Variants in CSMD3 observed in about 807,000 individuals in gnomAD.
CSMD3 encodes CUB and Sushi multiple domains 3, also known as CUB and sushi domain-containing protein 3.
Under a neutral mutation model 435.2 loss-of-function variants are expected in CSMD3, and 177 were observed. That is an observed-to-expected ratio of 0.41 (90% CI 0.36 to 0.46). The LOEUF is 0.46. Among genes scored for constraint, CSMD3 ranks in the 20% least tolerant of loss-of-function variants. The probability of loss-of-function intolerance (pLI) is 0.34; values close to 1 mark genes in which losing one functional copy is unlikely to be tolerated. For synonymous variants in CSMD3, 1,656 were observed against 1,520.5 expected, an observed-to-expected ratio of 1.09 and a Z score of -2.07; for missense variants, 4,265 against 4,504.6, an observed-to-expected ratio of 0.95 and a Z score of 1.52.
chr8:112,933,022 A>G (rs2083164426), intron 9 of CSMD3, among the ~76,000 whole-genome samples: 1 of 152,188 alleles, frequency 6.6e-6, no homozygotes, highest in East Asian at 1.9e-4. Context: ...AAACAAAAAT[A>G]AGAAATAGTG....
intron 45 of CSMD3, among the ~76,000 whole-genome samples, chr8:112,321,974 T>C (rs1823035548): frequency 6.6e-6 from 1 of 152,074 alleles, no homozygotes; most frequent in South Asian, 2.1e-4. Context: ...AAGGTAATTG[T>C]AAGAAATGCC....
chr8:112,859,435 C>A (rs190089702), intron 10 of CSMD3, among the ~76,000 whole-genome samples, 169 bp from the exon 11 acceptor site: 1 of 151,642 alleles, frequency 6.6e-6, no homozygotes, highest in South Asian at 2.1e-4. Flanking sequence ...GTTTTTAACA[C>A]CCTGGGATTC....
At chr8:112,388,360 G>T (rs570483392) in intron 36 of CSMD3, among the ~76,000 whole-genome samples, 1 of 152,306 alleles carries the variant, frequency 6.6e-6, no homozygotes, top group African/African-American at 2.4e-5. Flanking sequence ...TAGACTGCAG[G>T]AGAATAAGAA....
chr8:112,797,932 G>A (rs2078866791), intron 13 of CSMD3, among the ~76,000 whole-genome samples: 1 of 151,702 alleles, frequency 6.6e-6, no homozygotes. Flanking sequence ...ATTTATATAG[G>A]TTCATTTATT....
At chr8:113,234,392 C>T (rs549394536) in intron 3 of CSMD3, among the ~76,000 whole-genome samples, 8 of 152,146 alleles carry the variant, frequency 5.3e-5, no homozygotes, top group Non-Finnish European at 1.0e-4. Context: ...CAACCCATGC[C>T]CTTTAGAAGC....
chr8:113,397,824 A>G (rs1238710700), intron 1 of CSMD3, among the ~76,000 whole-genome samples: 1 of 14,942 alleles, frequency 6.7e-5, no homozygotes, highest in Non-Finnish European at 1.2e-4. Flanking sequence ...CGTCTCAAAA[A>G]TAAATAAATA....
chr8:112,853,195 T>A (rs2129757195), intron 11 of CSMD3, among the ~76,000 whole-genome samples: 1 of 152,236 alleles, frequency 6.6e-6, no homozygotes, highest in East Asian at 1.9e-4. Context: ...TCATTAGCTT[T>A]TGCCAGTTGT....
intron 1 of CSMD3, among the ~76,000 whole-genome samples, chr8:113,335,671 T>C (rs1437798509): frequency 1.3e-5 from 2 of 151,512 alleles, no homozygotes; most frequent in Non-Finnish European, 2.9e-5. Flanking sequence ...CTGTTGGATA[T>C]TACAATGTTG....
chr8:113,250,151 A>C (rs894677608), intron 3 of CSMD3, among the ~76,000 whole-genome samples: 1 of 152,156 alleles, frequency 6.6e-6, no homozygotes, highest in African/African-American at 2.4e-5. Context: ...AGAGAATTGT[A>C]ATTATAGGAT....
At chr8:112,622,400 T>A (rs1834144693) in intron 22 of CSMD3, among the ~76,000 whole-genome samples, 1 of 152,164 alleles carries the variant, frequency 6.6e-6, no homozygotes, top group Non-Finnish European at 1.5e-5. Context: ...CTGAAAGATG[T>A]TGTAAGATGT....
chr8:112,689,456 T>TA (rs1265142183), intron 14 of CSMD3, among the ~76,000 whole-genome samples: 5 of 151,966 alleles, frequency 3.3e-5, no homozygotes, highest in Non-Finnish European at 7.4e-5. Flanking sequence ...CAAGCAAAAA[T>TA]AAGTTAGTGC....
At chr8:112,297,138 G>T (rs1295586616) in intron 53 of CSMD3, among the ~76,000 whole-genome samples, 1 of 145,812 alleles carries the variant, frequency 6.9e-6, no homozygotes, top group African/African-American at 2.5e-5. Flanking sequence ...GGAAATTCAA[G>T]CTTTTAATGG....
At chr8:112,639,529 T>G (rs532365776) in intron 20 of CSMD3, among the ~76,000 whole-genome samples, 1 of 152,248 alleles carries the variant, frequency 6.6e-6, no homozygotes, top group South Asian at 2.1e-4. Context: ...TCCAAATCAA[T>G]AGCCACAATA....
intron 4 of CSMD3, among the ~76,000 whole-genome samples, chr8:113,142,902 T>C (rs1304071852): frequency 1.3e-5 from 2 of 149,320 alleles, no homozygotes; most frequent in Admixed American, 6.7e-5. Context: ...ACTATGTACA[T>C]GCAAAAATTA....
At chr8:112,712,131 C>T (rs932581828) in intron 13 of CSMD3, among the ~76,000 whole-genome samples, 1 of 152,100 alleles carries the variant, frequency 6.6e-6, no homozygotes, top group African/African-American at 2.4e-5. Context: ...GACCTCTCCT[C>T]CAGTGTTGTG....
At chr8:113,071,199 T>G (rs1306157357) in intron 5 of CSMD3, among the ~76,000 whole-genome samples, 1 of 151,954 alleles carries the variant, frequency 6.6e-6, no homozygotes, top group African/African-American at 2.4e-5. Flanking sequence ...TGCTACTGAG[T>G]TTTGAAAGTT....
At chr8:113,401,430 G>A (rs1003081973) in intron 1 of CSMD3, among the ~76,000 whole-genome samples, 1 of 151,490 alleles carries the variant, frequency 6.6e-6, no homozygotes, top group Non-Finnish European at 1.5e-5. Context: ...ATAAAATTTA[G>A]GTAAAGGGCA....
chr8:112,462,776 C>T (rs550337247), intron 32 of CSMD3, among the ~76,000 whole-genome samples: 1 of 152,272 alleles, frequency 6.6e-6, no homozygotes, highest in East Asian at 1.9e-4. Flanking sequence ...CCCACCACTC[C>T]TCCTTCCCCT....
intron 32 of CSMD3, among the ~76,000 whole-genome samples, chr8:112,420,878 C>T (rs1415389030): frequency 1.3e-5 from 2 of 152,204 alleles, no homozygotes; most frequent in Non-Finnish European, 2.9e-5. Context: ...TAGCATTATG[C>T]CCAGATTCAA....
Sources: allele counts gnomAD v4.1 joint callset (sites outside exome capture counted in the v4.1 genomes callset), GRCh38; gene constraint gnomAD v4.1.1; transcripts MANE v1.5; gene names NCBI Gene and HGNC (gene_info 2026-07-23, HGNC 2026-07-21).